Variants in ZNF362 observed in about 807,000 individuals in gnomAD.
The protein encoded by ZNF362 is rotund homolog.
A neutral mutation model predicts 42.9 loss-of-function variants in ZNF362; 11 were observed. That is an observed-to-expected ratio of 0.26 (90% confidence interval 0.16 to 0.42). The LOEUF is 0.42. ZNF362 is among the 20% of genes least tolerant of loss of function. The pLI is 1.00. For missense variants in ZNF362, 362 were observed against 576.2 expected, an observed-to-expected ratio of 0.63 and a Z score of 3.81; for synonymous variants, 255 against 257.3, an observed-to-expected ratio of 0.99 and a Z score of 0.09.
the ZNF362 span, among the ~76,000 whole-genome samples, chr1:33,215,875 T>TC: frequency 1.3e-5 from 2 of 151,482 alleles, no homozygotes; most frequent in African/African-American, 4.8e-5. Flanking sequence ...CAGGGGCCTA[T>TC]ATATGCTTAT....
intron 1 of ZNF362, among the ~76,000 whole-genome samples, chr1:33,263,054 GCT>G (rs1004408446): frequency 1.3e-5 from 2 of 152,266 alleles, no homozygotes; most frequent in African/African-American, 4.8e-5. Flanking sequence ...TCTGTACACA[GCT>G]CTGTTCACTC....
At chr1:33,211,745 G>C in the ZNF362 span, among the ~76,000 whole-genome samples, 2 of 151,942 alleles carry the variant, frequency 1.3e-5, no homozygotes, top group Admixed American at 1.3e-4. Context: ...TAATCTTTGT[G>C]GTGTTCTCTG....
chr1:33,298,994 C>A lies in ZNF362; in HGVS notation c.1211C>A (p.Ser404Ter), dbSNP rs774989777. ...TVVEHLVSHH[S>*]PQRTESPGIP... Reference sequence around the variant, plus strand: ...GTGGAGCACCTGGTGAGCCATCACTCGCCCCAGAGGACGGAGTCCCCCGGC... The same window carrying A: ...GTGGAGCACCTGGTGAGCCATCACTAGCCCCAGAGGACGGAGTCCCCCGGC... Residue 404 changes from serine (S) to a stop codon, truncating the protein, a stop_gained, in exon 9 of 9, where the codon TCG (serine) becomes TAG (stop). Coordinates refer to ENST00000539719, the MANE Select transcript of ZNF362 (RefSeq NM_152493.3). LOFTEE classifies it high-confidence loss of function. 1 of 1,613,284 alleles carries A rather than the reference C, an allele frequency of 6.2e-7. No homozygotes were observed. The highest frequency in any genetic ancestry group is 8.5e-7 in the Non-Finnish European group (1 of 1,180,020).
chr1:33,254,658 T>C (rs1645775575), upstream of ZNF362, among the ~76,000 whole-genome samples: 1 of 152,234 alleles, frequency 6.6e-6, no homozygotes, highest in Non-Finnish European at 1.5e-5. Context: ...TTGTGGCTGT[T>C]GATCTTGGCC....
chr1:33,195,889 T>A, the ZNF362 span: 1 of 152,158 alleles, frequency 6.6e-6, no homozygotes, highest in Non-Finnish European at 1.5e-5. Context: ...AACCTTAGCT[T>A]TCTGTAACTT....
the ZNF362 span, among the ~76,000 whole-genome samples, chr1:33,172,693 G>A: frequency 6.6e-6 from 1 of 152,142 alleles, no homozygotes; most frequent in Non-Finnish European, 1.5e-5. Flanking sequence ...GAAGAAGCCA[G>A]GACTGGGGCA....
At chr1:33,127,847 C>A in the ZNF362 span, among the ~76,000 whole-genome samples, 1 of 152,104 alleles carries the variant, frequency 6.6e-6, no homozygotes, top group African/African-American at 2.4e-5. Flanking sequence ...GCTTGCCAGG[C>A]CCTGCTCTCG....
the ZNF362 span, among the ~76,000 whole-genome samples, chr1:33,156,631 G>A: frequency 3.9e-5 from 6 of 152,112 alleles, no homozygotes; most frequent in South Asian, 2.1e-4. Context: ...TTTTCTATCC[G>A]CCCCCACTTC....
At chr1:33,176,690 C>T in the ZNF362 span, 2 of 408,324 alleles carry the variant, frequency 4.9e-6, no homozygotes, top group Non-Finnish European at 8.8e-6. Flanking sequence ...TTACCCAGCC[C>T]TCAGAGGTAG....
the ZNF362 span, among the ~76,000 whole-genome samples, chr1:33,190,813 G>A: frequency 3.0e-4 from 46 of 152,302 alleles, no homozygotes; most frequent in South Asian, 9.1e-3. Flanking sequence ...AGGGCAGGAG[G>A]GAATTGATGT....
the ZNF362 span, among the ~76,000 whole-genome samples, chr1:33,216,742 T>C: frequency 2.0e-5 from 3 of 150,810 alleles, no homozygotes; most frequent in Admixed American, 1.3e-4. Flanking sequence ...AGGAATATAA[T>C]AATAAATAGA....
In ZNF362 at chr1:33,281,862, G is replaced by A. The variant is rs753398965; in HGVS notation, c.908+51G>A. ...TGCAGCCCGACTCAGCTCAGCACCCGTGGCCTGGCACATGGAGCCAGTGCA... is the reference window on the plus strand; with the variant it reads ...TGCAGCCCGACTCAGCTCAGCACCCATGGCCTGGCACATGGAGCCAGTGCA... On this transcript the variant is annotated intron_variant, in intron 6 of 8. Coordinates refer to ENST00000539719, the MANE Select transcript of ZNF362 (RefSeq NM_152493.3). The surrounding 1 kb of genome is among the most constrained non-coding windows in gnomAD (Gnocchi z 4.8). The A allele has an allele frequency of 1.0e-5, 16 of 1,591,582 alleles. No individual in the cohort carries two copies. Among genetic ancestry groups the A allele is most frequent in the Admixed American group, 1.7e-5 (1 of 59,690 alleles).
At chr1:33,128,975 G>A in the ZNF362 span, among the ~76,000 whole-genome samples, 7 of 152,188 alleles carry the variant, frequency 4.6e-5, no homozygotes, top group African/African-American at 7.2e-5. Flanking sequence ...TGCCGGCCAG[G>A]ATTAGGACAG....
At chr1:33,277,401 C>G (rs371162409) in intron 4 of ZNF362, among the ~76,000 whole-genome samples, 4 of 152,154 alleles carry the variant, frequency 2.6e-5, no homozygotes, top group Non-Finnish European at 4.4e-5. Context: ...GCTGAGGCTT[C>G]GAGGAAGCAG....
chr1:33,211,765 A>C, the ZNF362 span, among the ~76,000 whole-genome samples: 1 of 151,810 alleles, frequency 6.6e-6, no homozygotes, highest in African/African-American at 2.4e-5. Context: ...GCATTTCTTG[A>C]ATTTGAATGT....
the ZNF362 span, among the ~76,000 whole-genome samples, chr1:33,182,460 G>C: frequency 2.0e-5 from 3 of 152,218 alleles, no homozygotes; most frequent in Non-Finnish European, 2.9e-5. Flanking sequence ...GCGAGTTCAA[G>C]GCCCTCACAC....
At chr1:33,211,100 A>AT in the ZNF362 span, among the ~76,000 whole-genome samples, 1 of 151,678 alleles carries the variant, frequency 6.6e-6, no homozygotes, top group African/African-American at 2.4e-5. Context: ...CGCCTGGCTA[A>AT]TTTTTTGTAT....
chr1:33,277,931 CCT>C (rs72409561), intron 4 of ZNF362, among the ~76,000 whole-genome samples: 33,270 of 151,884 alleles, frequency 0.22, 4,190 homozygotes, highest in African/African-American at 0.36. Flanking sequence ...TTGTTCCTCC[CCT>C]GTCGCCCCTG....
intron 1 of ZNF362, among the ~76,000 whole-genome samples, chr1:33,268,465 T>C (rs1645879392): frequency 6.6e-6 from 1 of 152,178 alleles, no homozygotes; most frequent in Non-Finnish European, 1.5e-5. Context: ...CAGAGATGGA[T>C]GAGCAAACAG....
Sources: allele counts gnomAD v4.1 joint callset (sites outside exome capture counted in the v4.1 genomes callset), GRCh38; gene constraint gnomAD v4.1.1; non-coding constraint Gnocchi (gnomAD v3.1); transcripts MANE v1.5; gene names NCBI Gene and HGNC (gene_info 2026-07-23, HGNC 2026-07-21).